Variants in SNX29 observed in about 807,000 individuals in gnomAD.
SNX29 encodes sorting nexin-29.
SNX29 carries 78 observed loss-of-function variants against 102.1 expected under a neutral mutation model. That is an observed-to-expected ratio of 0.76 (90% CI 0.64 to 0.92). SNX29 has a LOEUF of 0.92. SNX29 is among the 40% of genes least tolerant of loss of function. The pLI, the probability that SNX29 is intolerant of heterozygous loss-of-function variation, is 0.00. For missense variants in SNX29, 1,280 were observed against 1,061.7 expected (o/e 1.21, Z -2.86); for synonymous variants, 580 against 414.5 (o/e 1.40, Z -4.85).
At chr16:12,560,297 A>C (rs979849040) in intron 20 of SNX29, among the ~76,000 whole-genome samples, 1 of 152,178 alleles carries the variant, frequency 6.6e-6, no homozygotes, top group African/African-American at 2.4e-5. Context: ...TATTGAAAGC[A>C]CACTCAAAAT....
chr16:12,543,792 T>TA (rs1436162092), intron 20 of SNX29, among the ~76,000 whole-genome samples: 1 of 152,254 alleles, frequency 6.6e-6, no homozygotes, highest in Non-Finnish European at 1.5e-5. Context: ...TCTGGTGCTC[T>TA]AGAGATTTCT....
chr16:12,176,308 C>G (rs1450806030), intron 13 of SNX29, among the ~76,000 whole-genome samples: 1 of 152,210 alleles, frequency 6.6e-6, no homozygotes, highest in Non-Finnish European at 1.5e-5. Context: ...AGGTTCAAAT[C>G]TTGGTTCTGC....
At chr16:12,539,009 C>A (rs1423103340) in intron 20 of SNX29, among the ~76,000 whole-genome samples, 1 of 152,132 alleles carries the variant, frequency 6.6e-6, no homozygotes, top group South Asian at 2.1e-4. Flanking sequence ...TAATTCGAGC[C>A]AAAACCATCC....
intron 18 of SNX29, among the ~76,000 whole-genome samples, chr16:12,463,632 A>T (rs571549764): frequency 1.1e-4 from 17 of 152,190 alleles, no homozygotes; most frequent in Admixed American, 1.0e-3. Context: ...TCAAGATGAG[A>T]TTTGGGTGGG....
chr16:12,424,798 T>A (rs1375280338), intron 18 of SNX29, among the ~76,000 whole-genome samples: 1 of 152,204 alleles, frequency 6.6e-6, no homozygotes, highest in Non-Finnish European at 1.5e-5. Flanking sequence ...TTATTATGGA[T>A]CAGACACTGT....
In SNX29 at chr16:12,477,838, C is replaced by G; in HGVS notation, c.2157C>G (p.Pro719=). ...YPQVRAYNFP[P]KKAIGNKDAK... is the part of the protein sequence containing the mutation. Reference sequence around the variant, plus strand: ...AAGTGAGGGCCTACAACTTCCCACCCAAAAAGGCCATTGGAAACAAGGTAC... The same window carrying G: ...AAGTGAGGGCCTACAACTTCCCACCGAAAAAGGCCATTGGAAACAAGGTAC... Residue 719 remains proline (P), a synonymous_variant, in exon 19 of 21, where the codon CCC becomes CCG. Coordinates refer to ENST00000566228, the MANE Select transcript of SNX29 (RefSeq NM_032167.5). 6.2e-7 allele frequency: 1 copy of G among 1,607,006 alleles called. No individual in the cohort carries two copies. Among genetic ancestry groups the G allele is most frequent in the African/African-American group, 1.3e-5 (1 of 74,362 alleles).
intron 14 of SNX29, among the ~76,000 whole-genome samples, chr16:12,251,595 C>G (rs1002467229): frequency 6.6e-6 from 1 of 151,960 alleles, no homozygotes; most frequent in South Asian, 2.1e-4. Context: ...CCCAGCTACT[C>G]GGGAGGCTGA....
At chr16:12,341,112 C>G (rs2081599019) in intron 15 of SNX29, among the ~76,000 whole-genome samples, 1 of 152,058 alleles carries the variant, frequency 6.6e-6, no homozygotes, top group African/African-American at 2.4e-5. Flanking sequence ...CCTATGGTTA[C>G]TATTATTATT....
chr16:12,427,086 A>G (rs938473116), intron 18 of SNX29, among the ~76,000 whole-genome samples: 3 of 152,182 alleles, frequency 2.0e-5, no homozygotes, highest in African/African-American at 7.2e-5. Flanking sequence ...AAAAATTATA[A>G]TTAAAATGTA....
chr16:12,319,615 A>G (rs1417166782), intron 15 of SNX29, among the ~76,000 whole-genome samples: 6 of 152,130 alleles, frequency 3.9e-5, no homozygotes, highest in Admixed American at 1.3e-4. Flanking sequence ...GTGTTAAATC[A>G]TCCTGGCAAG....
chr16:12,376,403 A>T (rs998231466), intron 16 of SNX29, among the ~76,000 whole-genome samples: 1 of 152,174 alleles, frequency 6.6e-6, no homozygotes. Flanking sequence ...GCTTCCCTGT[A>T]ATTGATTATG....
intron 13 of SNX29, among the ~76,000 whole-genome samples, chr16:12,132,950 G>A (rs1162228096): frequency 6.6e-6 from 1 of 152,204 alleles, no homozygotes; most frequent in African/African-American, 2.4e-5. Context: ...CTTGCTTCTG[G>A]CCAGAGTAAA....
chr16:12,552,471 C>G (rs765212068), intron 20 of SNX29, among the ~76,000 whole-genome samples: 3 of 152,144 alleles, frequency 2.0e-5, no homozygotes, highest in African/African-American at 4.8e-5. Flanking sequence ...ATCTCATCAC[C>G]CAACGATTGG....
chr16:12,358,610 T>A (rs2082210809), intron 16 of SNX29, among the ~76,000 whole-genome samples: 1 of 152,320 alleles, frequency 6.6e-6, no homozygotes, highest in East Asian at 1.9e-4. Flanking sequence ...TATTGTCTGA[T>A]TGTAGGTCAC....
intron 16 of SNX29, among the ~76,000 whole-genome samples, chr16:12,388,569 C>T (rs1310030647): frequency 6.6e-6 from 1 of 152,240 alleles, no homozygotes; most frequent in East Asian, 1.9e-4. Context: ...CCACATAGTA[C>T]ATGACTGTGC....
At position 12,092,278 on chromosome 16, in the gene SNX29, CA is replaced by C. The variant is rs2052586540; in HGVS notation, c.1402+13364del. Among the ~76,000 whole-genome samples the C allele has an allele frequency of 3.3e-5, 4 of 122,350 alleles. No individual in the cohort carries two copies. In the South Asian group the frequency reaches 1.1e-3, roughly 33 times the overall value. The allele number at this position is 122,350 out of a possible 152,430, so 80.3% of individuals were successfully genotyped here. On this transcript the variant is annotated intron_variant, in intron 11 of 20. Transcript: ENST00000566228. ...GCCTGACAAGTAGTTGTTCAAGAGA[CA>C]TTTAAAGAAGGAAGGAAGGAAGGAA...
At chr16:12,128,280 T>C (rs770891317) in intron 12 of SNX29, among the ~76,000 whole-genome samples, 1 of 152,206 alleles carries the variant, frequency 6.6e-6, no homozygotes, top group Non-Finnish European at 1.5e-5. Context: ...ATAGTCACTG[T>C]CTGTTACTTT....
intron 16 of SNX29, among the ~76,000 whole-genome samples, chr16:12,367,697 G>C (rs1413538241): frequency 6.6e-6 from 1 of 152,256 alleles, no homozygotes; most frequent in Non-Finnish European, 1.5e-5. Context: ...TTGCCGCATA[G>C]CTAATGATCA....
At chr16:12,309,580 A>G (rs549787245) in intron 15 of SNX29, among the ~76,000 whole-genome samples, 13 of 152,214 alleles carry the variant, frequency 8.5e-5, no homozygotes, top group Admixed American at 7.8e-4. Flanking sequence ...CTTGTTCACC[A>G]TGGTGTCCCA....
Sources: allele counts gnomAD v4.1 joint callset (sites outside exome capture counted in the v4.1 genomes callset), GRCh38; gene constraint gnomAD v4.1.1; transcripts MANE v1.5; gene names NCBI Gene and HGNC (gene_info 2026-07-23, HGNC 2026-07-21).